Variants in ACAA2 observed in about 807,000 individuals in gnomAD.
ACAA2 encodes the protein 3-ketoacyl-CoA thiolase, mitochondrial.
ACAA2 carries 35 observed loss-of-function variants against 44.8 expected under a neutral mutation model. That is an observed-to-expected ratio of 0.78 (90% CI 0.60 to 1.04). The LOEUF (loss-of-function observed/expected upper bound fraction) is 1.04, where lower values mean the gene tolerates loss of function less well. Ranked by LOEUF, ACAA2 falls within the 50% of genes least tolerant of loss-of-function variation. The probability of loss-of-function intolerance (pLI) is 0.00; values close to 1 mark genes in which losing one functional copy is unlikely to be tolerated. For synonymous variants in ACAA2, 142 were observed against 166.5 expected (o/e 0.85, Z 1.13); for missense variants, 468 against 482.6 (o/e 0.97, Z 0.28).
intron 1 of ACAA2, among the ~76,000 whole-genome samples, chr18:49,810,265 C>A (rs1176255879): frequency 2.0e-5 from 3 of 152,198 alleles, no homozygotes; most frequent in African/African-American, 7.2e-5. Flanking sequence ...ACACCCCGTT[C>A]TCCTGCAGCT....
chr18:49,804,774 T>C (rs1176630823), intron 1 of ACAA2, among the ~76,000 whole-genome samples: 2 of 152,098 alleles, frequency 1.3e-5, no homozygotes, highest in Non-Finnish European at 2.9e-5. Flanking sequence ...TAAATAAAAA[T>C]CACCCCTTCC....
At chr18:49,786,718 CTTCTT>C (rs2023334036) in intron 8 of ACAA2, 1 of 152,174 alleles carries the variant, frequency 6.6e-6, no homozygotes, top group Non-Finnish European at 1.5e-5. Context: ...TTCTCCACCT[CTTCTT>C]TTAATTATGC....
chr18:49,804,076 A>G (rs1249471441), intron 1 of ACAA2, among the ~76,000 whole-genome samples: 1 of 151,906 alleles, frequency 6.6e-6, no homozygotes, highest in African/African-American at 2.4e-5. Flanking sequence ...AGGCCCGGCT[A>G]ATTTTTGTAT....
chr18:49,792,540 G>T (rs766960943), intron 5 of ACAA2, among the ~76,000 whole-genome samples: 1 of 152,086 alleles, frequency 6.6e-6, no homozygotes, highest in Non-Finnish European at 1.5e-5. Context: ...TGCCTCCCGG[G>T]TTCAAGTGAT....
intron 7 of ACAA2, among the ~76,000 whole-genome samples, chr18:49,790,050 C>T (rs949296737): frequency 6.6e-6 from 1 of 152,168 alleles, no homozygotes; most frequent in African/African-American, 2.4e-5. Flanking sequence ...TTCTGACAAT[C>T]ATCTGAGGTT....
chr18:49,810,076 AAC>A (rs2023652129), intron 1 of ACAA2, among the ~76,000 whole-genome samples: 1 of 152,350 alleles, frequency 6.6e-6, no homozygotes, highest in African/African-American at 2.4e-5. Flanking sequence ...ATAGTAAAAA[AAC>A]ACGGGCAGAA....
intron 8 of ACAA2, among the ~76,000 whole-genome samples, chr18:49,786,840 T>A (rs1433050101): frequency 6.6e-6 from 1 of 152,134 alleles, no homozygotes; most frequent in Non-Finnish European, 1.5e-5. Flanking sequence ...AAGCTACAAC[T>A]ATCGTATAAA....
chr18:49,784,978 A>C (rs1440044135), intron 9 of ACAA2, among the ~76,000 whole-genome samples: 2 of 152,184 alleles, frequency 1.3e-5, no homozygotes, highest in African/African-American at 4.8e-5. Flanking sequence ...GGACACACAG[A>C]GGAAGAGCTT....
chr18:49,785,693 C>T (rs550955989), intron 8 of ACAA2: 1 of 254,638 alleles, frequency 3.9e-6, no homozygotes, highest in East Asian at 1.2e-4. Flanking sequence ...AGGGTGTGAC[C>T]TTATGCATAT....
At chr18:49,800,949 G>A (rs978695926) in intron 2 of ACAA2, among the ~76,000 whole-genome samples, 4 of 150,310 alleles carry the variant, frequency 2.7e-5, no homozygotes, top group Admixed American at 2.6e-4. Flanking sequence ...AAGGCCAGAT[G>A]CTTTCCCCCT....
chr18:49,812,819 C>T (rs2023685731), intron 1 of ACAA2: 1 of 152,194 alleles, frequency 6.6e-6, no homozygotes, highest in Non-Finnish European at 1.5e-5. Flanking sequence ...GATATGTATT[C>T]CACCTCAATG....
At chr18:49,787,260 T>TAAAAAAAAAAA (rs35932656) in intron 8 of ACAA2, 31 bp downstream of exon 8, 91 of 1,027,974 alleles carry the variant, frequency 8.9e-5, no homozygotes, top group African/African-American at 6.1e-4. Context: ...TTCATGTTGT[T>TAAAAAAAAAAA]AAAAAAAAAA....
chr18:49,804,728 G>T (rs2023593330), intron 1 of ACAA2, among the ~76,000 whole-genome samples: 1 of 152,078 alleles, frequency 6.6e-6, no homozygotes, highest in South Asian at 2.1e-4. Context: ...TAAATTTGCA[G>T]CATCACTATT....
At chr18:49,806,502 C>CA (rs886204972) in intron 1 of ACAA2, among the ~76,000 whole-genome samples, 5 of 152,186 alleles carry the variant, frequency 3.3e-5, no homozygotes, top group African/African-American at 1.2e-4. Flanking sequence ...TAACTGTCTA[C>CA]AAAAAATAAA....
At chr18:49,802,325 G>T (rs2023561607) in intron 2 of ACAA2, among the ~76,000 whole-genome samples, 1 of 152,002 alleles carries the variant, frequency 6.6e-6, no homozygotes, top group Non-Finnish European at 1.5e-5. Flanking sequence ...GCACTTTGGG[G>T]GGCCGAGACA....
chr18:49,792,479 T>C (rs1046232131), intron 5 of ACAA2, 152 bp from the exon 6 acceptor site: 2 of 750,838 alleles, frequency 2.7e-6, no homozygotes, highest in African/African-American at 3.5e-5. Flanking sequence ...GAGTCTCACA[T>C]TGTCGCCTGG....
chr18:49,790,831 G>A, intron 7 of ACAA2, among the ~76,000 whole-genome samples: 1 of 152,088 alleles, frequency 6.6e-6, no homozygotes, highest in Non-Finnish European at 1.5e-5. Context: ...TCTTTATTTT[G>A]CTAATACTCA....
At chr18:49,799,734 G>A (rs1458999281) in intron 2 of ACAA2, among the ~76,000 whole-genome samples, 80 of 150,956 alleles carry the variant, frequency 5.3e-4, no homozygotes, top group Admixed American at 4.2e-3. Context: ...AGTGAGGAGC[G>A]TCTCTGCCTG....
Position 49,794,417 on chromosome 18 carries a change from G to A in ACAA2, c.440C>T (p.Ser147Phe). ...KLGSDIKLED[S>F]LWVSLTDQHV... ...CTGATCTGTTAATGATACCCATAAAGAATCTTCCAGCTATTAAAAGACATT... is the reference window on the plus strand; with the variant it reads ...CTGATCTGTTAATGATACCCATAAAAAATCTTCCAGCTATTAAAAGACATT... The change falls in exon 5 of 10, where the codon TCT (serine) becomes TTT (phenylalanine). Residue 147 changes from serine (S) to phenylalanine (F), a missense_variant. Coordinates refer to ENST00000285093, the MANE Select transcript of ACAA2 (RefSeq NM_006111.3). The A allele has an allele frequency of 1.3e-6, 2 of 1,585,318 alleles. No individual in the cohort carries two copies. The highest frequency in any genetic ancestry group is 1.4e-5 in the African/African-American group (1 of 73,526).
Sources: gnomAD v4.1 joint callset for allele counts (sites outside exome capture counted in the v4.1 genomes callset) on GRCh38, gnomAD v4.1.1 for gene constraint, MANE v1.5 for transcripts, NCBI Gene and HGNC (gene_info 2026-07-23, HGNC 2026-07-21) for gene names.